The following KDM4A variants were observed in gnomAD, a reference collection of about 807,000 sequenced individuals.
KDM4A encodes lysine-specific demethylase 4A.
KDM4A carries 23 observed loss-of-function variants against 127.1 expected under a neutral mutation model. That is an observed-to-expected ratio of 0.18 (90% CI 0.13 to 0.26). The LOEUF (loss-of-function observed/expected upper bound fraction) is 0.26. Ranked by LOEUF, KDM4A falls within the 10% of genes least tolerant of loss-of-function variation. The probability of loss-of-function intolerance (pLI) is 1.00; values close to 1 mark genes in which losing one functional copy is unlikely to be tolerated. For synonymous variants in KDM4A, 443 were observed against 466.5 expected (o/e 0.95, Z 0.65); for missense variants, 890 against 1,329.1 (o/e 0.67, Z 5.14).
At chr1:43,655,818 C>T in intron 3 of KDM4A, 52 bp downstream of exon 3, 1 of 1,473,550 alleles carries the variant, frequency 6.8e-7, no homozygotes, top group Non-Finnish European at 9.3e-7. Flanking sequence ...CCTGGTGTCT[C>T]ATCCTCCTAG....
Position 43,653,326 on chromosome 1 carries a change from G to T in KDM4A, c.138+13G>T. The T allele has an allele frequency of 6.2e-7, 1 of 1,604,680 alleles. No homozygotes were observed. The highest frequency in any genetic ancestry group is 1.1e-5 in the South Asian group (1 of 89,472). On this transcript the variant is annotated intron_variant, in intron 2 of 21. Coordinates refer to ENST00000372396, the MANE Select transcript of KDM4A (RefSeq NM_014663.3). Reference sequence around the variant, plus strand: ...AGGGCTAGCCAAGGTAAGGAGCTGGGATTGTTCAAATGGTTTTGTTACCTA... The same window carrying T: ...AGGGCTAGCCAAGGTAAGGAGCTGGTATTGTTCAAATGGTTTTGTTACCTA...
chr1:43,660,183 C>G (rs1660339311), intron 3 of KDM4A, 115 bp from the exon 4 acceptor site: 5 of 1,170,466 alleles, frequency 4.3e-6, no homozygotes, highest in Non-Finnish European at 4.9e-6. Flanking sequence ...AAGATTATGC[C>G]TTGTTCATTT....
chr1:43,677,543 C>T (rs1056499113), intron 11 of KDM4A, among the ~76,000 whole-genome samples: 1 of 152,076 alleles, frequency 6.6e-6, no homozygotes, highest in Admixed American at 6.6e-5. Context: ...TTTGATTTGC[C>T]GATGATGTTC....
At chr1:43,657,750 C>CTTTTTT (rs140666245) in intron 3 of KDM4A, among the ~76,000 whole-genome samples, 28 of 116,448 alleles carry the variant, frequency 2.4e-4, no homozygotes, top group African/African-American at 2.6e-4. Flanking sequence ...TTTTTCTTTT[C>CTTTTTT]TTTTTTTTTT....
Position 43,671,486 on chromosome 1 carries a change from A to C in KDM4A, c.1364-19A>C. On this transcript the variant is annotated intron_variant, in intron 10 of 21. Coordinates refer to ENST00000372396, the MANE Select transcript of KDM4A (RefSeq NM_014663.3). ...TGCAGGAGGAACTTGGCTCTGTCTA[A>C]TGTGTATGTGTGTTTCAGATTATTC... The C allele has an allele frequency of 6.5e-7, 1 of 1,528,914 alleles. No individual in the cohort carries two copies. The highest frequency in any genetic ancestry group is 8.8e-7 in the Non-Finnish European group (1 of 1,138,898). The allele number at this position is 1,528,914 out of a possible 1,614,324, so 94.7% of individuals were successfully genotyped here.
At chr1:43,668,782 A>G (rs922747657) in intron 9 of KDM4A, among the ~76,000 whole-genome samples, 2 of 152,210 alleles carry the variant, frequency 1.3e-5, no homozygotes, top group Non-Finnish European at 2.9e-5. Flanking sequence ...CCTGGGCCAT[A>G]TGGGAAAGAA....
intron 11 of KDM4A, among the ~76,000 whole-genome samples, chr1:43,673,475 A>C (rs1660672374): frequency 6.6e-6 from 1 of 150,790 alleles, no homozygotes; most frequent in African/African-American, 2.4e-5. Context: ...ACATTTCCCT[A>C]GTGTTGCCAA....
intron 18 of KDM4A, among the ~76,000 whole-genome samples, chr1:43,697,465 C>A (rs113338678): frequency 6.6e-6 from 1 of 152,206 alleles, no homozygotes; most frequent in East Asian, 1.9e-4. Context: ...CTTTGCCTGG[C>A]GGCCCAGGCC....
chr1:43,665,005 TA>T (rs1478366810), intron 5 of KDM4A, among the ~76,000 whole-genome samples: 2 of 152,202 alleles, frequency 1.3e-5, no homozygotes. Flanking sequence ...CAGAAGAGAT[TA>T]AAAAGGTTAA....
At chr1:43,665,808 C>T (rs1660488884) in intron 6 of KDM4A, 63 bp downstream of exon 6, 1 of 1,538,862 alleles carries the variant, frequency 6.5e-7, no homozygotes. Context: ...TTGCTCTGCA[C>T]TAAAATGTGC....
Position 43,671,636 on chromosome 1 carries a change from C to T in KDM4A, c.1495C>T (p.Leu499Phe). 4 of 1,613,592 alleles carry T rather than the reference C, an allele frequency of 2.5e-6. No individual in the cohort carries two copies. The highest frequency in any genetic ancestry group is 2.5e-6 in the Non-Finnish European group (3 of 1,179,740). Residue 499 changes from leucine to phenylalanine, a missense_variant, in exon 11 of 22, where the codon CTT (leucine) becomes TTT (phenylalanine). Physicochemically the swap from Leu to Phe is conservative, Grantham distance 22. Coordinates refer to ENST00000372396, the MANE Select transcript of KDM4A (RefSeq NM_014663.3). ...SVNPASVGGR[L>F]VFSGSKKKSS... ...GAATCCTGCGTCTGTAGGGGGACGCCTTGTCTTCTCAGGCTCCAAAAAGAA... is the reference window on the plus strand; with the variant it reads ...GAATCCTGCGTCTGTAGGGGGACGCTTTGTCTTCTCAGGCTCCAAAAAGAA...
chr1:43,678,651 G>A (rs547021036), intron 11 of KDM4A, among the ~76,000 whole-genome samples: 2 of 150,816 alleles, frequency 1.3e-5, no homozygotes, highest in East Asian at 2.0e-4. Context: ...GCAGTGGTGC[G>A]ATCTCAGCTC....
chr1:43,660,795 C>G (rs997112959), intron 4 of KDM4A, among the ~76,000 whole-genome samples: 1 of 138,630 alleles, frequency 7.2e-6, no homozygotes, highest in Non-Finnish European at 1.7e-5. Context: ...AAGAGAAATA[C>G]ATTTAGATTT....
intron 8 of KDM4A, among the ~76,000 whole-genome samples, 172 bp downstream of exon 8, chr1:43,667,263 G>T (rs1228930420): frequency 6.6e-6 from 1 of 152,190 alleles, no homozygotes; most frequent in Non-Finnish European, 1.5e-5. Flanking sequence ...TTTTAAAAAT[G>T]TGTTCAGAAT....
rs937735432 is a variant in KDM4A, at chr1:43,705,024, T to G, written c.*654T>G. The G allele has an allele frequency of 6.5e-6, 1 of 152,896 alleles. No homozygotes were observed. Among genetic ancestry groups the G allele is most frequent in the African/African-American group, 2.4e-5 (1 of 41,446 alleles). The allele number at this position is 152,896 out of a possible 1,614,324, so 9.5% of individuals were successfully genotyped here. On this transcript the variant is annotated 3_prime_UTR_variant, in exon 22 of 22. Coordinates refer to ENST00000372396, the MANE Select transcript of KDM4A (RefSeq NM_014663.3). ...GAGATGCTAAGGAGCTGATGCCACCTCTTTGTCTTCCCCTAAAGGAGAACA... is the reference window on the plus strand; with the variant it reads ...GAGATGCTAAGGAGCTGATGCCACCGCTTTGTCTTCCCCTAAAGGAGAACA...
At chr1:43,700,188 A>G (rs910971524) in intron 19 of KDM4A, 1 of 151,760 alleles carries the variant, frequency 6.6e-6, no homozygotes, top group Non-Finnish European at 1.5e-5. Context: ...AGTGCAGTGC[A>G]GTGATCTCAA....
At chr1:43,673,692 T>G (rs1660677735) in intron 11 of KDM4A, among the ~76,000 whole-genome samples, 1 of 152,232 alleles carries the variant, frequency 6.6e-6, no homozygotes, top group Non-Finnish European at 1.5e-5. Flanking sequence ...TCTCTGTGCC[T>G]TCTTATGGCA....
At chr1:43,663,133 G>A (rs1198937720) in intron 5 of KDM4A, 46 bp downstream of exon 5, 13 of 1,540,046 alleles carry the variant, frequency 8.4e-6, no homozygotes, top group Middle Eastern at 1.8e-4. Flanking sequence ...GCTAGAGCAC[G>A]GGCTCATGTT....
At chr1:43,664,156 G>T (rs894589008) in intron 5 of KDM4A, among the ~76,000 whole-genome samples, 1 of 152,190 alleles carries the variant, frequency 6.6e-6, no homozygotes, top group African/African-American at 2.4e-5. Context: ...TGACAAGTGA[G>T]ACCTAAAACA....
Sources: gnomAD v4.1 joint callset for allele counts (sites outside exome capture counted in the v4.1 genomes callset) on GRCh38, gnomAD v4.1.1 for gene constraint, MANE v1.5 for transcripts, NCBI Gene and HGNC (gene_info 2026-07-23, HGNC 2026-07-21) for gene names.